Variants in INPP5A observed in about 807,000 individuals in gnomAD.
INPP5A encodes the protein inositol polyphosphate-5-phosphatase A.
INPP5A carries 14 observed loss-of-function variants against 65.2 expected under a neutral mutation model. That is an observed-to-expected ratio of 0.21 (90% confidence interval 0.14 to 0.34). INPP5A has a LOEUF of 0.34. Among genes scored for constraint, INPP5A ranks in the 10% least tolerant of loss-of-function variants. The probability of loss-of-function intolerance (pLI) is 1.00; values close to 1 mark genes in which losing one functional copy is unlikely to be tolerated. For synonymous variants in INPP5A, 207 were observed against 208.3 expected (o/e 0.99, Z 0.05); for missense variants, 431 against 545.6 (o/e 0.79, Z 2.09).
rs115917008 is a variant in INPP5A at position 132,546,390 on chromosome 10, C to T, written c.75+8219C>T. 6.3e-3 allele frequency among the ~76,000 whole-genome samples: 960 copies of T among 152,078 alleles called. 9 individuals carry two copies. The highest frequency in any genetic ancestry group is 0.02 in the African/African-American group (835 of 41,490). ...GCCCCACCTCCAGGAGCATGGCCTC[C>T]GGATCAGCCTGTTACTTGAACCCTG... On this transcript the variant is annotated intron_variant, in intron 1 of 15. Transcript: ENST00000368594. This position sits in a 1 kb window ranked among gnomAD's most constrained non-coding sequence, Gnocchi z 5.7.
intron 12 of INPP5A, among the ~76,000 whole-genome samples, chr10:132,768,514 G>A (rs987153258): frequency 6.6e-6 from 1 of 152,336 alleles, no homozygotes; most frequent in Middle Eastern, 3.4e-3. Context: ...CTGCCCTGGC[G>A]GGGGGTCCCG....
At chr10:132,686,927 A>T (rs1845140529) in intron 4 of INPP5A, among the ~76,000 whole-genome samples, 1 of 152,240 alleles carries the variant, frequency 6.6e-6, no homozygotes, top group Non-Finnish European at 1.5e-5. Flanking sequence ...GAAAAGGATG[A>T]ACACTGGCTT....
Position 132,538,135 on chromosome 10 carries a change from G to A in INPP5A, c.39G>A (p.Leu13=). The change falls in exon 1 of 16, where the codon CTG becomes CTA. Residue 13 remains leucine, a synonymous_variant. Transcript: ENST00000368594. This position sits in a 1 kb window ranked among gnomAD's most constrained non-coding sequence, Gnocchi z 4.1. ...CGGCCGCCCCGGGCACCGCGGTGCT[G>A]CTGGTCACGGCCAACGTGGGCTCGC... ...GKAAAPGTAV[L]LVTANVGSLF... is the part of the protein sequence containing the mutation. 4 of 1,268,498 alleles carry A rather than the reference G, an allele frequency of 3.2e-6. No individual in the cohort carries two copies. Among genetic ancestry groups the A allele is most frequent in the Non-Finnish European group, 4.0e-6 (4 of 1,001,854 alleles). 78.6% of individuals were successfully genotyped at this position (1,268,498 alleles called of 1,614,324 possible).
At chr10:132,777,972 G>C in intron 13 of INPP5A, 190 bp downstream of exon 13, 1 of 1,407,250 alleles carries the variant, frequency 7.1e-7, no homozygotes, top group Non-Finnish European at 9.3e-7. Flanking sequence ...CAGCACCTGG[G>C]CTGGGGCAGC....
At chr10:132,724,212 C>A (rs1845944582) in intron 8 of INPP5A, among the ~76,000 whole-genome samples, 1 of 152,080 alleles carries the variant, frequency 6.6e-6, no homozygotes, top group Admixed American at 6.5e-5. Context: ...TCAAAAAAAC[C>A]CGTGCCGCTG....
At chr10:132,643,735 C>G (rs759058599) in intron 2 of INPP5A, among the ~76,000 whole-genome samples, 1 of 152,148 alleles carries the variant, frequency 6.6e-6, no homozygotes, top group Non-Finnish European at 1.5e-5. Flanking sequence ...GCCAGGAGCT[C>G]TGGCATAGAA....
chr10:132,747,273 C>T (rs1447838689), intron 9 of INPP5A, among the ~76,000 whole-genome samples: 1 of 152,260 alleles, frequency 6.6e-6, no homozygotes, highest in Non-Finnish European at 1.5e-5. Flanking sequence ...GGTGCTTGTT[C>T]TAATCCTCAC....
intron 5 of INPP5A, among the ~76,000 whole-genome samples, chr10:132,694,581 A>C (rs1845317050): frequency 6.6e-6 from 1 of 152,144 alleles, no homozygotes; most frequent in East Asian, 1.9e-4. Flanking sequence ...GAAAACAGGA[A>C]ATGAATAGAG....
chr10:132,655,384 A>C (rs749183605), intron 4 of INPP5A, among the ~76,000 whole-genome samples: 30 of 152,118 alleles, frequency 2.0e-4, no homozygotes, highest in Non-Finnish European at 8.8e-5. Flanking sequence ...CCTCCCACAC[A>C]GGCCTCGACA....
chr10:132,628,470 G>T lies in INPP5A; in HGVS notation c.118-17398G>T, dbSNP rs942169565. 7.9e-4 allele frequency among the ~76,000 whole-genome samples: 119 copies of T among 150,732 alleles called. 8 individuals are homozygous for T. The highest frequency in any genetic ancestry group is 4.7e-4 in the Non-Finnish European group (32 of 67,494). ...CCAGATGTGCTCTGGTGGCGGGGGG[G>T]GGGGGGGGCGTGGCGTGGGGGACAC... On this transcript the variant is annotated intron_variant, in intron 2 of 15. Transcript: ENST00000368594.
chr10:132,586,974 G>A (rs2071553322), intron 1 of INPP5A, among the ~76,000 whole-genome samples: 1 of 152,108 alleles, frequency 6.6e-6, no homozygotes, highest in African/African-American at 2.4e-5. Context: ...TCATCTGTCG[G>A]CTTCTGCAGA....
rs1200730247 is a variant in INPP5A at position 132,549,778 on chromosome 10, C to T, written c.75+11607C>T. ...TTCCTGCAGCCCCCACTCTCTGCCC[C>T]TGGTCTGAATGGTGGGGTTGGTGTG... On this transcript the variant is annotated intron_variant, in intron 1 of 15. Coordinates refer to ENST00000368594, the MANE Select transcript of INPP5A (RefSeq NM_005539.5). This position sits in a 1 kb window ranked among gnomAD's most constrained non-coding sequence, Gnocchi z 4.9. Among the ~76,000 whole-genome samples, 1 of 152,260 alleles carries T rather than the reference C, an allele frequency of 6.6e-6. No individual in the cohort carries two copies. The highest frequency in any genetic ancestry group is 2.4e-5 in the African/African-American group (1 of 41,466).
chr10:132,755,065 G>C (rs1476063141), intron 11 of INPP5A, among the ~76,000 whole-genome samples: 2 of 152,058 alleles, frequency 1.3e-5, no homozygotes, highest in Middle Eastern at 3.4e-3. Context: ...GATCATATGC[G>C]TGTGTGTGAT....
chr10:132,690,312 GCTT>G, intron 4 of INPP5A, 77 bp from the exon 5 acceptor site: 1 of 943,430 alleles, frequency 1.1e-6, no homozygotes, highest in Non-Finnish European at 1.7e-6. Context: ...GTTTAAAAGA[GCTT>G]CTTTTATTGT....
chr10:132,694,422 AAAAAG>A (rs1317274804), intron 5 of INPP5A, among the ~76,000 whole-genome samples: 1 of 152,194 alleles, frequency 6.6e-6, no homozygotes, highest in Non-Finnish European at 1.5e-5. Context: ...AGAAAGAGCT[AAAAAG>A]AAAAAAGTGC....
chr10:132,768,677 CCT>C (rs1357559034), intron 12 of INPP5A, among the ~76,000 whole-genome samples: 1 of 152,230 alleles, frequency 6.6e-6, no homozygotes, highest in Non-Finnish European at 1.5e-5. Context: ...CGGCCTGGCC[CCT>C]GAGGCCTGTG....
At chr10:132,666,003 C>G (rs1363511388) in intron 4 of INPP5A, among the ~76,000 whole-genome samples, 1 of 146,844 alleles carries the variant, frequency 6.8e-6, no homozygotes, top group African/African-American at 2.5e-5. Flanking sequence ...AGCAGTGAGC[C>G]AAGATCACAC....
chr10:132,752,458 AG>A (rs1356298753), intron 11 of INPP5A, among the ~76,000 whole-genome samples: 2 of 15,066 alleles, frequency 1.3e-4, no homozygotes, highest in African/African-American at 3.2e-4. Context: ...TGTGGCGTGG[AG>A]GGGGGTGTGG....
rs545898189 is a variant in INPP5A, at chr10:132,782,609, T to G, written c.*580T>G. The G allele has an allele frequency of 6.7e-6, 1 of 149,750 alleles. No individual in the cohort carries two copies. The highest frequency in any genetic ancestry group is 1.5e-5 in the Non-Finnish European group (1 of 67,530). The allele number at this position is 149,750 out of a possible 1,614,324, so 9.3% of individuals were successfully genotyped here. A position where few individuals can be genotyped will look rare whatever the true frequency, so the allele number is the denominator to read the frequency against. ...TTCCATTTTTATATATATATAAATA[T>G]ATATAAATATATACTTTTTAAAAAT... On this transcript the variant is annotated 3_prime_UTR_variant, in exon 16 of 16. Coordinates refer to ENST00000368594, the MANE Select transcript of INPP5A (RefSeq NM_005539.5). The surrounding 1 kb of genome is among the most constrained non-coding windows in gnomAD (Gnocchi z 4.4).
Sources: allele counts gnomAD v4.1 joint callset (sites outside exome capture counted in the v4.1 genomes callset), GRCh38; gene constraint gnomAD v4.1.1; non-coding constraint Gnocchi (gnomAD v3.1); transcripts MANE v1.5; gene names NCBI Gene and HGNC (gene_info 2026-07-23, HGNC 2026-07-21).